FGD6: variants seen among roughly 807,000 people sequenced by gnomAD.
FGD6 encodes the protein FYVE, RhoGEF and PH domain containing 6.
Under a neutral mutation model 149.4 loss-of-function variants are expected in FGD6, and 90 were observed. The observed-to-expected ratio is 0.60, with a 90% CI of 0.51 to 0.72. The LOEUF is 0.72. Ranked by LOEUF, FGD6 falls within the 30% of genes least tolerant of loss-of-function variation. The pLI is 0.00. For synonymous variants in FGD6, 527 were observed against 584.0 expected (o/e 0.90, Z 1.41); for missense variants, 1,437 against 1,684.8 (o/e 0.85, Z 2.57).
intron 5 of FGD6, among the ~76,000 whole-genome samples, chr12:95,143,407 T>C (rs1879914947): frequency 6.6e-6 from 1 of 152,152 alleles, no homozygotes; most frequent in Non-Finnish European, 1.5e-5. Flanking sequence ...CCTCTTATGC[T>C]TAATCAATGC....
chr12:95,133,141 G>C (rs910727132), intron 8 of FGD6, among the ~76,000 whole-genome samples: 1 of 152,242 alleles, frequency 6.6e-6, no homozygotes, highest in African/African-American at 2.4e-5. Context: ...TTAAGGGCCA[G>C]TTGTGGTGGC....
intron 2 of FGD6, among the ~76,000 whole-genome samples, chr12:95,185,449 A>AC (rs1881401533): frequency 6.6e-6 from 1 of 152,080 alleles, no homozygotes; most frequent in Non-Finnish European, 1.5e-5. Flanking sequence ...GCAGCAGAGA[A>AC]GAAAAAAAAA....
intron 5 of FGD6, among the ~76,000 whole-genome samples, chr12:95,145,508 G>T (rs1273327618): frequency 2.0e-5 from 3 of 152,042 alleles, no homozygotes; most frequent in Non-Finnish European, 4.4e-5. Flanking sequence ...TCTTAAGTTG[G>T]TTTAGCCAGA....
chr12:95,085,708 T>A, intron 19 of FGD6, 72 bp downstream of exon 19: 1 of 1,463,562 alleles, frequency 6.8e-7, no homozygotes, highest in Non-Finnish European at 9.1e-7. Flanking sequence ...AATGGATTTT[T>A]AAAATATTGT....
At chr12:95,175,170 T>G (rs1881099654) in intron 2 of FGD6, among the ~76,000 whole-genome samples, 1 of 152,196 alleles carries the variant, frequency 6.6e-6, no homozygotes, top group Non-Finnish European at 1.5e-5. Flanking sequence ...GGAGAGATTT[T>G]GGTGTCTCTT....
At chr12:95,214,861 CTT>C (rs1171146305) in intron 1 of FGD6, among the ~76,000 whole-genome samples, 39 of 129,218 alleles carry the variant, frequency 3.0e-4, no homozygotes, top group African/African-American at 8.4e-4. Flanking sequence ...CTCCTTTTTT[CTT>C]TTTTTTTTTT....
chr12:95,201,011 T>C (rs1275117343), intron 2 of FGD6, among the ~76,000 whole-genome samples: 1 of 151,974 alleles, frequency 6.6e-6, no homozygotes, highest in East Asian at 1.9e-4. Context: ...GATATAAACA[T>C]GTCTAGTCTG....
chr12:95,184,114 A>C (rs1345533074), intron 2 of FGD6, among the ~76,000 whole-genome samples: 14 of 152,258 alleles, frequency 9.2e-5, no homozygotes, highest in Admixed American at 9.2e-4. Context: ...ATGTTACATT[A>C]TATACAGACC....
Position 95,217,303 on chromosome 12 carries a change from T to C in FGD6, c.-63A>G, listed in dbSNP as rs935647503. 14 of 1,563,732 alleles carry C rather than the reference T, an allele frequency of 9.0e-6. No homozygotes were observed. The African/African-American group carries it at 1.5e-4, about 17-fold the overall frequency. On this transcript the variant is annotated 5_prime_UTR_variant, in exon 1 of 21. The change abolishes an upstream ATG in the 5' untranslated region. Coordinates refer to ENST00000343958, the MANE Select transcript of FGD6 (RefSeq NM_018351.4). ...CAATCCATCTTCCCCTTTCAGTCCA[T>C]TGTTCCCACAGTTCGGGTAGGAGAG...
At position 95,079,277 on chromosome 12, in the gene FGD6, A is replaced by C. The variant is rs1331660801; in HGVS notation, c.*2243T>G. On this transcript the variant is annotated 3_prime_UTR_variant, in exon 21 of 21. Transcript: ENST00000343958. ...ATTTTTCTAAACCCTCCATGGGGCTAAGCCAATAGGTAATACAGTCACATG... is the reference window on the plus strand; with the variant it reads ...ATTTTTCTAAACCCTCCATGGGGCTCAGCCAATAGGTAATACAGTCACATG... 1.3e-5 allele frequency: 2 copies of C among 152,240 alleles called. No individual in the cohort carries two copies. The highest frequency in any genetic ancestry group is 4.8e-5 in the African/African-American group (2 of 41,462). 9.4% of individuals were successfully genotyped at this position (152,240 alleles called of 1,614,324 possible). A position where few individuals can be genotyped will look rare whatever the true frequency, so the allele number is the denominator to read the frequency against.
At chr12:95,100,197 C>G (rs1878378608) in intron 14 of FGD6, among the ~76,000 whole-genome samples, 1 of 152,072 alleles carries the variant, frequency 6.6e-6, no homozygotes, top group Non-Finnish European at 1.5e-5. Flanking sequence ...TTATGTATCT[C>G]CCACTTTAGA....
At chr12:95,175,057 T>C (rs1592863821) in intron 2 of FGD6, among the ~76,000 whole-genome samples, 2 of 152,152 alleles carry the variant, frequency 1.3e-5, no homozygotes, top group East Asian at 3.8e-4. Flanking sequence ...CCACATCCAT[T>C]AGGGATACAA....
At chr12:95,107,433 ACGGCCAGTT>A (rs1454880903) in intron 12 of FGD6, 121 bp downstream of exon 12, 1 of 739,936 alleles carries the variant, frequency 1.4e-6, no homozygotes, top group Non-Finnish European at 2.2e-6. Context: ...ATTAAGTGGT[ACGGCCAGTT>A]CAAGAAGCTG....
chr12:95,171,098 T>A (rs1304032841), intron 3 of FGD6, among the ~76,000 whole-genome samples: 2 of 152,170 alleles, frequency 1.3e-5, no homozygotes, highest in Admixed American at 1.3e-4. Context: ...ATTCTATGAG[T>A]ACTATTCTTT....
chr12:95,101,681 CTTTTTTTT>C (rs757955014), intron 14 of FGD6, among the ~76,000 whole-genome samples: 1 of 107,808 alleles, frequency 9.3e-6, no homozygotes, highest in East Asian at 2.8e-4. Context: ...TTTGAACTTT[CTTTTTTTT>C]TTTTTTTTTT....
intron 3 of FGD6, among the ~76,000 whole-genome samples, chr12:95,169,644 CT>C (rs1880931686): frequency 6.6e-6 from 1 of 152,068 alleles, no homozygotes; most frequent in Admixed American, 6.6e-5. Flanking sequence ...AGTGAGATCC[CT>C]GATAGAATGT....
intron 2 of FGD6, among the ~76,000 whole-genome samples, chr12:95,178,201 G>GA (rs1398968713): frequency 6.6e-6 from 1 of 152,214 alleles, no homozygotes; most frequent in East Asian, 1.9e-4. Context: ...AACATGGCAC[G>GA]ACTTGTGAAA....
intron 2 of FGD6, among the ~76,000 whole-genome samples, chr12:95,175,046 G>A (rs1017821682): frequency 1.3e-5 from 2 of 151,976 alleles, no homozygotes; most frequent in African/African-American, 4.8e-5. Context: ...ACTAGGTGTT[G>A]CCACATCCAT....
intron 17 of FGD6, among the ~76,000 whole-genome samples, chr12:95,090,331 G>GT (rs1878013842): frequency 6.6e-6 from 1 of 152,112 alleles, no homozygotes; most frequent in African/African-American, 2.4e-5. Context: ...AAACTGGACT[G>GT]TTGTTTATAT....
Sources: allele counts gnomAD v4.1 joint callset (sites outside exome capture counted in the v4.1 genomes callset), GRCh38; gene constraint gnomAD v4.1.1; transcripts MANE v1.5; gene names NCBI Gene and HGNC (gene_info 2026-07-23, HGNC 2026-07-21).